Variants in GALNT5 observed in about 807,000 individuals in gnomAD.
GALNT5 encodes the protein polypeptide N-acetylgalactosaminyltransferase 5.
A neutral mutation model predicts 85.4 loss-of-function variants in GALNT5; 72 were observed. The ratio of observed to expected loss-of-function variants is 0.84; its 90% CI spans 0.70 to 1.03. The LOEUF is 1.03. Ranked by LOEUF, GALNT5 falls within the 50% of genes least tolerant of loss-of-function variation. GALNT5 has a pLI of 0.00. For missense variants in GALNT5, 1,137 were observed against 1,135.5 expected (o/e 1.00, Z -0.02); for synonymous variants, 404 against 397.0 (o/e 1.02, Z -0.21).
intron 1 of GALNT5, among the ~76,000 whole-genome samples, chr2:157,275,465 T>C (rs748908189): frequency 6.6e-6 from 1 of 152,238 alleles, no homozygotes; most frequent in East Asian, 1.9e-4. Context: ...TCCATGAGCA[T>C]GGAATATTCT....
intron 1 of GALNT5, among the ~76,000 whole-genome samples, chr2:157,265,280 A>G (rs1215246499): frequency 6.6e-6 from 1 of 152,362 alleles, no homozygotes; most frequent in African/African-American, 2.4e-5. Context: ...AAATATGGCC[A>G]AAGGACAATG....
chr2:157,310,523 G>C (rs1283741954), intron 9 of GALNT5, among the ~76,000 whole-genome samples: 1 of 152,026 alleles, frequency 6.6e-6, no homozygotes, highest in East Asian at 1.9e-4. Flanking sequence ...ACTTTTTAAA[G>C]TTTAAAAACA....
intron 3 of GALNT5, among the ~76,000 whole-genome samples, chr2:157,290,108 T>C (rs1350636967): frequency 0.029 from 2,224 of 77,424 alleles, 141 homozygotes; most frequent in African/African-American, 0.12. Flanking sequence ...TATATATATA[T>C]ATATACATAC....
intron 6 of GALNT5, among the ~76,000 whole-genome samples, chr2:157,300,271 T>G (rs1007479668): frequency 6.6e-6 from 1 of 152,200 alleles, no homozygotes; most frequent in Admixed American, 6.5e-5. Flanking sequence ...CTGCTGATCA[T>G]GAAGGATGGT....
At chr2:157,285,351 C>G (rs1327104828) in intron 2 of GALNT5, among the ~76,000 whole-genome samples, 2 of 152,122 alleles carry the variant, frequency 1.3e-5, no homozygotes, top group African/African-American at 4.8e-5. Context: ...GGTCCAGATT[C>G]TGTGGGACCT....
chr2:157,295,582 T>A lies in GALNT5; in HGVS notation c.1742-81T>A, dbSNP rs1039696309. On this transcript the variant is annotated intron_variant, in intron 3 of 9. Coordinates refer to ENST00000259056, the MANE Select transcript of GALNT5 (RefSeq NM_014568.3). Reference sequence around the variant, plus strand: ...ATTTATAGCCACATTTCTGGAGCAATCATCAATACCTTTGAACATGAAGTA... The same window carrying A: ...ATTTATAGCCACATTTCTGGAGCAAACATCAATACCTTTGAACATGAAGTA... The A allele has an allele frequency of 3.8e-6, 4 of 1,060,716 alleles. No individual in the cohort carries two copies. In the East Asian group the frequency reaches 9.9e-5, roughly 26 times the overall value. 65.7% of individuals were successfully genotyped at this position (1,060,716 alleles called of 1,614,324 possible). A position where few individuals can be genotyped will look rare whatever the true frequency, so the allele number is the denominator to read the frequency against.
intron 9 of GALNT5, among the ~76,000 whole-genome samples, chr2:157,309,998 G>A (rs1181458641): frequency 2.0e-5 from 3 of 152,032 alleles, no homozygotes; most frequent in Non-Finnish European, 2.9e-5. Context: ...GGGGGATGTG[G>A]TAAGGAGAGA....
chr2:157,295,569 A>G (rs1018324989), intron 3 of GALNT5, 94 bp from the exon 4 acceptor site: 1 of 939,532 alleles, frequency 1.1e-6, no homozygotes. Context: ...TTATAGCCAC[A>G]TTTCTGGAGC....
chr2:157,309,078 A>G (rs1280659525), intron 9 of GALNT5, among the ~76,000 whole-genome samples: 1 of 152,172 alleles, frequency 6.6e-6, no homozygotes, highest in Non-Finnish European at 1.5e-5. Context: ...AGGAGAGGAT[A>G]TGGGCAACAC....
intron 1 of GALNT5, among the ~76,000 whole-genome samples, chr2:157,271,308 G>T (rs1247078031): frequency 6.6e-6 from 1 of 152,192 alleles, no homozygotes; most frequent in African/African-American, 2.4e-5. Flanking sequence ...AGGGGAGAGT[G>T]GAATGACAGG....
intron 3 of GALNT5, among the ~76,000 whole-genome samples, chr2:157,288,610 GAAA>G (rs537803742): frequency 3.0e-4 from 46 of 152,216 alleles, no homozygotes; most frequent in African/African-American, 1.1e-3. Context: ...TGGGGAGAAA[GAAA>G]AAAGCAAATT....
rs1226537065 is a variant in GALNT5, at chr2:157,318,018, G to A, written c.*6670G>A. Among the ~76,000 whole-genome samples the A allele has an allele frequency of 5.3e-5, 8 of 152,098 alleles. No homozygotes were observed. The highest frequency in any genetic ancestry group is 1.9e-4 in the African/African-American group (8 of 41,446). On this transcript the variant is annotated 3_prime_UTR_variant, in exon 10 of 10. Coordinates refer to ENST00000259056, the MANE Select transcript of GALNT5 (RefSeq NM_014568.3). ...TTTAATATTGGTAAATATAGTTTTT[G>A]ACATTGCATTTTACAATCCTATTGT...
intron 1 of GALNT5, among the ~76,000 whole-genome samples, chr2:157,275,831 A>T (rs1282840458): frequency 6.6e-6 from 1 of 152,140 alleles, no homozygotes; most frequent in African/African-American, 2.4e-5. Context: ...TTCTCTTGCC[A>T]GATTGCCCTG....
At chr2:157,306,942 A>C (rs781230260) in intron 8 of GALNT5, among the ~76,000 whole-genome samples, 17 of 152,336 alleles carry the variant, frequency 1.1e-4, no homozygotes, top group Non-Finnish European at 2.2e-4. Context: ...GAGGAAATAA[A>C]GTCATAAATT....
intron 6 of GALNT5, 78 bp from the exon 7 acceptor site, chr2:157,300,598 G>A (rs891920914): frequency 1.1e-5 from 12 of 1,104,054 alleles, no homozygotes; most frequent in Non-Finnish European, 1.6e-5. Flanking sequence ...GAAACAAGGT[G>A]GTTTCTTGTC....
At chr2:157,268,231 C>A (rs1465404219) in intron 1 of GALNT5, among the ~76,000 whole-genome samples, 1 of 152,170 alleles carries the variant, frequency 6.6e-6, no homozygotes, top group Non-Finnish European at 1.5e-5. Flanking sequence ...TTCCCTCAAT[C>A]TTATGATTTA....
In GALNT5 at chr2:157,311,387, A is replaced by G. The variant is rs773860011; in HGVS notation, c.*39A>G. On this transcript the variant is annotated 3_prime_UTR_variant, in exon 10 of 10. Coordinates refer to ENST00000259056, the MANE Select transcript of GALNT5 (RefSeq NM_014568.3). ...TTTTTATATAGTAAACCCATTAAAT[A>G]CTGTGAAAATAACACTGAACTTGGA... 2.6e-5 allele frequency: 34 copies of G among 1,331,668 alleles called. No homozygotes were observed. Among genetic ancestry groups the G allele is most frequent in the Non-Finnish European group, 3.4e-5 (33 of 963,380 alleles). The allele number at this position is 1,331,668 out of a possible 1,614,324, so 82.5% of individuals were successfully genotyped here.
intron 3 of GALNT5, among the ~76,000 whole-genome samples, chr2:157,294,070 C>G (rs1683157790): frequency 6.6e-6 from 1 of 152,206 alleles, no homozygotes; most frequent in African/African-American, 2.4e-5. Flanking sequence ...AGAACAGAGA[C>G]TGGCATAGAA....
chr2:157,305,699 G>C lies in GALNT5; in HGVS notation c.2440-50G>C, dbSNP rs199509298. On this transcript the variant is annotated intron_variant, in intron 7 of 9. Transcript: ENST00000259056. The stretch of plus-strand genomic sequence containing the variant: ...TTTTCTAAATGTGTCTGAATGTCTT[G>C]TTTTACTTTAAAATATTTTGTAATT... The C allele has an allele frequency of 5.8e-5, 60 of 1,042,184 alleles. 1 individual carries two copies. In the African/African-American group the frequency reaches 6.9e-4, roughly 12 times the overall value. The allele number at this position is 1,042,184 out of a possible 1,614,324, so 64.6% of individuals were successfully genotyped here.
Sources: allele counts gnomAD v4.1 joint callset (sites outside exome capture counted in the v4.1 genomes callset), GRCh38; gene constraint gnomAD v4.1.1; transcripts MANE v1.5; gene names NCBI Gene and HGNC (gene_info 2026-07-23, HGNC 2026-07-21).